Variants in PDE1A observed in about 807,000 individuals in gnomAD.
PDE1A encodes dual specificity calcium/calmodulin-dependent 3',5'-cyclic nucleotide phosphodiesterase 1A.
A neutral mutation model predicts 61.7 loss-of-function variants in PDE1A; 35 were observed. The observed-to-expected ratio is 0.57, with a 90% CI of 0.43 to 0.75. PDE1A has a LOEUF of 0.75. PDE1A is among the 30% of genes least tolerant of loss of function. The pLI, the probability that PDE1A is intolerant of heterozygous loss-of-function variation, is 0.00. For missense variants in PDE1A, 597 were observed against 630.6 expected, an observed-to-expected ratio of 0.95 and a Z score of 0.57; for synonymous variants, 232 against 213.2, an observed-to-expected ratio of 1.09 and a Z score of -0.77.
At chr2:182,432,945 G>A (rs1207786824) in intron 2 of PDE1A, among the ~76,000 whole-genome samples, 1 of 152,020 alleles carries the variant, frequency 6.6e-6, no homozygotes, top group Non-Finnish European at 1.5e-5. Flanking sequence ...TTGGTCATTT[G>A]TCATGGATTG....
the PDE1A span, among the ~76,000 whole-genome samples, chr2:182,629,893 T>C: frequency 6.6e-6 from 1 of 152,208 alleles, no homozygotes. Flanking sequence ...CTATCCATTC[T>C]TTGGCAGAAA....
chr2:182,168,614 C>A (rs1691825361), intron 13 of PDE1A, among the ~76,000 whole-genome samples: 1 of 152,016 alleles, frequency 6.6e-6, no homozygotes, highest in Non-Finnish European at 1.5e-5. Context: ...TCAACTAGAG[C>A]AGACACTCTC....
At chr2:182,406,192 A>T (rs927983325) in intron 1 of PDE1A, among the ~76,000 whole-genome samples, 1 of 152,114 alleles carries the variant, frequency 6.6e-6, no homozygotes, top group African/African-American at 2.4e-5. Context: ...ATGAAATAAA[A>T]GTTCAAACAA....
chr2:182,338,633 C>G (rs992837506), intron 1 of PDE1A, among the ~76,000 whole-genome samples: 3 of 152,224 alleles, frequency 2.0e-5, no homozygotes, highest in Non-Finnish European at 4.4e-5. Flanking sequence ...CAGCCATTCT[C>G]CTGCCTCAGC....
intron 10 of PDE1A, among the ~76,000 whole-genome samples, chr2:182,191,206 G>C (rs1685659964): frequency 6.6e-6 from 1 of 152,070 alleles, no homozygotes; most frequent in Non-Finnish European, 1.5e-5. Flanking sequence ...TATGAGAGAT[G>C]ACTTGGGGTG....
chr2:182,426,201 A>G (rs1408412855), intron 1 of PDE1A, among the ~76,000 whole-genome samples: 1 of 152,226 alleles, frequency 6.6e-6, no homozygotes, highest in Non-Finnish European at 1.5e-5. Context: ...TAGTATTCAC[A>G]GCACTGAAAC....
chr2:182,508,063 A>G (rs1689526034), intron 2 of PDE1A, among the ~76,000 whole-genome samples: 1 of 152,108 alleles, frequency 6.6e-6, no homozygotes, highest in South Asian at 2.1e-4. Flanking sequence ...AGAATAGAGT[A>G]GTAGCTTAAG....
the PDE1A span, among the ~76,000 whole-genome samples, chr2:182,697,531 G>T: frequency 1.1e-4 from 16 of 152,280 alleles, no homozygotes; most frequent in South Asian, 6.2e-4. Flanking sequence ...TTACAGAGAG[G>T]CCCCTCTCCA....
the PDE1A span, among the ~76,000 whole-genome samples, chr2:182,608,708 A>C: frequency 6.6e-6 from 1 of 152,152 alleles, no homozygotes; most frequent in Admixed American, 6.5e-5. Context: ...GCGCCTCCGG[A>C]GCCTCCCCGA....
chr2:182,309,125 C>T (rs185502428), intron 1 of PDE1A, among the ~76,000 whole-genome samples: 10 of 151,522 alleles, frequency 6.6e-5, no homozygotes, highest in African/African-American at 1.4e-4. Context: ...TTTCCTTTTA[C>T]GTAAAAAGTT....
At chr2:182,534,911 T>C in the PDE1A span, among the ~76,000 whole-genome samples, 1 of 150,870 alleles carries the variant, frequency 6.6e-6, no homozygotes, top group Non-Finnish European at 1.5e-5. Flanking sequence ...CATGCAGCTT[T>C]ATTTTGTTTA....
At chr2:182,368,209 A>G (rs990932521) in intron 1 of PDE1A, among the ~76,000 whole-genome samples, 2 of 152,124 alleles carry the variant, frequency 1.3e-5, no homozygotes, top group Non-Finnish European at 2.9e-5. Context: ...ACACTTTCTA[A>G]TATCATTATC....
At chr2:182,642,325 C>T in the PDE1A span, among the ~76,000 whole-genome samples, 3 of 152,088 alleles carry the variant, frequency 2.0e-5, no homozygotes, top group African/African-American at 7.3e-5. Context: ...GGAATTTAAA[C>T]AACATCATCA....
intron 2 of PDE1A, among the ~76,000 whole-genome samples, chr2:182,256,420 A>AT (rs1691819467): frequency 2.0e-5 from 3 of 151,968 alleles, no homozygotes; most frequent in Admixed American, 2.0e-4. Flanking sequence ...TGAACTCATC[A>AT]TTTTTTATGG....
At chr2:182,217,664 A>G (rs1224512878) in intron 7 of PDE1A, among the ~76,000 whole-genome samples, 1 of 137,038 alleles carries the variant, frequency 7.3e-6, no homozygotes, top group African/African-American at 2.8e-5. Context: ...AAACACATGA[A>G]AAAATGCTCA....
chr2:182,297,765 G>A (rs919827710), intron 1 of PDE1A, among the ~76,000 whole-genome samples: 2 of 152,140 alleles, frequency 1.3e-5, no homozygotes, highest in African/African-American at 4.8e-5. Flanking sequence ...ATGTGCCTAT[G>A]CTTCCAGAAT....
chr2:182,651,573 T>C, the PDE1A span, among the ~76,000 whole-genome samples: 1 of 152,236 alleles, frequency 6.6e-6, no homozygotes, highest in African/African-American at 2.4e-5. Flanking sequence ...TACAAATTTA[T>C]TCAAAGGAAT....
intron 1 of PDE1A, among the ~76,000 whole-genome samples, chr2:182,389,257 ACAAAG>A (rs1225059953): frequency 1.3e-5 from 2 of 152,176 alleles, no homozygotes; most frequent in Non-Finnish European, 2.9e-5. Flanking sequence ...AGATTAGGAA[ACAAAG>A]CAAAGTCAGG....
At chr2:182,276,050 T>G (rs1375023725) in intron 1 of PDE1A, among the ~76,000 whole-genome samples, 1 of 152,058 alleles carries the variant, frequency 6.6e-6, no homozygotes, top group Non-Finnish European at 1.5e-5. Flanking sequence ...CTAAGAGATA[T>G]AAAATTAATG....
Sources: allele counts gnomAD v4.1 joint callset (sites outside exome capture counted in the v4.1 genomes callset), GRCh38; gene constraint gnomAD v4.1.1; transcripts MANE v1.5; gene names NCBI Gene and HGNC (gene_info 2026-07-23, HGNC 2026-07-21).